The following SNX29 variants were observed in gnomAD, a reference collection of about 807,000 sequenced individuals.
SNX29 encodes the protein sorting nexin 29.
A neutral mutation model predicts 102.1 loss-of-function variants in SNX29; 78 were observed. The ratio of observed to expected loss-of-function variants is 0.76; its 90% CI spans 0.64 to 0.92. The LOEUF (loss-of-function observed/expected upper bound fraction) is 0.92. Ranked by LOEUF, SNX29 falls within the 40% of genes least tolerant of loss-of-function variation. The pLI is 0.00. For missense variants in SNX29, 1,280 were observed against 1,061.7 expected, an observed-to-expected ratio of 1.21 and a Z score of -2.86; for synonymous variants, 580 against 414.5, an observed-to-expected ratio of 1.40 and a Z score of -4.85.
intron 11 of SNX29, among the ~76,000 whole-genome samples, chr16:12,112,863 G>A (rs2141276769): frequency 6.6e-6 from 1 of 152,242 alleles, no homozygotes; most frequent in African/African-American, 2.4e-5. Context: ...TCCTGCCGGA[G>A]GAGGATGGAA....
chr16:12,158,723 G>C (rs1252176865), intron 13 of SNX29, among the ~76,000 whole-genome samples: 2 of 152,236 alleles, frequency 1.3e-5, no homozygotes, highest in Non-Finnish European at 2.9e-5. Flanking sequence ...GGGGTAGCCC[G>C]AGTGGAACCC....
At chr16:12,547,737 C>G (rs1251134439) in intron 20 of SNX29, among the ~76,000 whole-genome samples, 3 of 152,138 alleles carry the variant, frequency 2.0e-5, no homozygotes, top group Admixed American at 6.5e-5. Context: ...CACTGCCCCT[C>G]TAAGCCTCCT....
intron 14 of SNX29, among the ~76,000 whole-genome samples, chr16:12,258,655 G>T (rs2078645205): frequency 6.6e-6 from 1 of 152,128 alleles, no homozygotes; most frequent in South Asian, 2.1e-4. Flanking sequence ...ATATACTGGG[G>T]CAGCAAATGC....
intron 18 of SNX29, among the ~76,000 whole-genome samples, chr16:12,408,715 G>C (rs1362100881): frequency 6.6e-6 from 1 of 152,222 alleles, no homozygotes; most frequent in Non-Finnish European, 1.5e-5. Flanking sequence ...AGCCACTCGA[G>C]AGGCTGAGGC....
At chr16:12,533,195 A>G (rs1342352624) in intron 20 of SNX29, among the ~76,000 whole-genome samples, 2 of 152,260 alleles carry the variant, frequency 1.3e-5, no homozygotes, top group South Asian at 4.1e-4. Flanking sequence ...ACCAGCAGCC[A>G]TCTGAGGCCA....
chr16:12,529,300 G>C (rs2076869562), intron 20 of SNX29, among the ~76,000 whole-genome samples: 1 of 152,160 alleles, frequency 6.6e-6, no homozygotes, highest in Non-Finnish European at 1.5e-5. Context: ...ACATCTTTGG[G>C]AAGCCCCGTG....
rs1271335188 is a variant in SNX29 at position 12,569,103 on chromosome 16, C to G, written c.*474C>G. ...TTTTAAGGTTATTACCTGGCCTAAC[C>G]TAGGGATGGCTGGCTTTGCGGGGGG... On this transcript the variant is annotated 3_prime_UTR_variant, in exon 21 of 21. Coordinates refer to ENST00000566228, the MANE Select transcript of SNX29 (RefSeq NM_032167.5). 2.6e-5 allele frequency: 4 copies of G among 151,564 alleles called. No homozygotes were observed. Among genetic ancestry groups the G allele is most frequent in the African/African-American group, 1.1e-4 (3 of 27,770 alleles). The allele number at this position is 151,564 out of a possible 1,614,324, so 9.4% of individuals were successfully genotyped here. A position where few individuals can be genotyped will look rare whatever the true frequency, so the allele number is the denominator to read the frequency against.
intron 14 of SNX29, among the ~76,000 whole-genome samples, chr16:12,248,393 CTT>C (rs111573419): frequency 0.057 from 8,153 of 142,560 alleles, 634 homozygotes; most frequent in African/African-American, 0.18. Flanking sequence ...CAGATCTCTG[CTT>C]TTTTTTTTTT....
At chr16:12,413,400 A>G (rs1202648105) in intron 18 of SNX29, among the ~76,000 whole-genome samples, 1 of 151,852 alleles carries the variant, frequency 6.6e-6, no homozygotes, top group Non-Finnish European at 1.5e-5. Flanking sequence ...CAGGGTGGAT[A>G]TGGGAGCGAA....
intron 15 of SNX29, among the ~76,000 whole-genome samples, chr16:12,310,595 A>G (rs1035371131): frequency 6.6e-6 from 1 of 152,040 alleles, no homozygotes; most frequent in Non-Finnish European, 1.5e-5. Context: ...AAACTAATCT[A>G]TAGGGACAGA....
chr16:12,102,089 C>A (rs1167505420), intron 11 of SNX29, among the ~76,000 whole-genome samples: 1 of 152,190 alleles, frequency 6.6e-6, no homozygotes, highest in African/African-American at 2.4e-5. Flanking sequence ...CTGCAAAGAA[C>A]ACGAACTCAT....
chr16:12,019,637 AT>A (rs879261297), intron 3 of SNX29, among the ~76,000 whole-genome samples: 1,453 of 136,810 alleles, frequency 0.011, 13 homozygotes, highest in Middle Eastern at 0.022. Flanking sequence ...TAGATATATA[AT>A]TTTTTTTTTT....
In SNX29 at chr16:12,334,842, C is replaced by T. The variant is rs530566636; in HGVS notation, c.1783-21321C>T. ...CTGCTTCTCTCAATTATTTTACCTG[C>T]CTGGTCCCTATAGGCATTTGTGTCA... On this transcript the variant is annotated intron_variant, in intron 15 of 20. Transcript: ENST00000566228. Among the ~76,000 whole-genome samples the T allele has an allele frequency of 1.0e-4, 15 of 150,616 alleles. No individual in the cohort carries two copies. The East Asian group carries it at 2.7e-3, about 27-fold the overall frequency.
chr16:12,334,921 T>TTTTTTA (rs56233203), intron 15 of SNX29, among the ~76,000 whole-genome samples: 1 of 149,216 alleles, frequency 6.7e-6, no homozygotes, highest in African/African-American at 2.5e-5. Context: ...TTTTTTTTTT[T>TTTTTTA]AAAAAGCAAC....
chr16:12,571,863 G>T lies in SNX29; in HGVS notation c.*3234G>T. 1 of 1,061,102 alleles carries T rather than the reference G, an allele frequency of 9.4e-7. No homozygotes were observed. The highest frequency in any genetic ancestry group is 1.1e-6 in the Non-Finnish European group (1 of 876,522). The allele number at this position is 1,061,102 out of a possible 1,614,324, so 65.7% of individuals were successfully genotyped here. On this transcript the variant is annotated 3_prime_UTR_variant, in exon 21 of 21. Transcript: ENST00000566228. Reference sequence around the variant, plus strand: ...ATGCTCCAATCACGTTGCTGGCAAGGCATTTTAGAGTTTGGAGCTGAGGTT... The same window carrying T: ...ATGCTCCAATCACGTTGCTGGCAAGTCATTTTAGAGTTTGGAGCTGAGGTT...
chr16:12,098,792 C>T lies in SNX29; in HGVS notation c.1402+19877C>T, dbSNP rs772810291. The stretch of plus-strand genomic sequence containing the variant: ...GTGGGAAGGTGGGCTTACAAAACCT[C>T]GTCCCTGAGTCTAACAGTCAGAGGT... On this transcript the variant is annotated intron_variant, in intron 11 of 20. Transcript: ENST00000566228. The surrounding 1 kb of genome is among the most constrained non-coding windows in gnomAD (Gnocchi z 6.0). Among the ~76,000 whole-genome samples, 4 of 152,218 alleles carry T rather than the reference C, an allele frequency of 2.6e-5. No homozygotes were observed. Among genetic ancestry groups the T allele is most frequent in the Admixed American group, 6.5e-5 (1 of 15,278 alleles).
At chr16:12,269,073 G>A (rs944908997) in intron 14 of SNX29, among the ~76,000 whole-genome samples, 12 of 152,206 alleles carry the variant, frequency 7.9e-5, no homozygotes, top group African/African-American at 1.2e-4. Context: ...GAACATAAAT[G>A]TCTATATACT....
At chr16:12,499,472 C>A (rs78083932) in intron 19 of SNX29, among the ~76,000 whole-genome samples, 1 of 152,142 alleles carries the variant, frequency 6.6e-6, no homozygotes, top group Admixed American at 6.5e-5. Flanking sequence ...TGGGGATCCT[C>A]CCTTAGTCTG....
chr16:12,253,228 T>C (rs1010724581), intron 14 of SNX29, among the ~76,000 whole-genome samples: 1 of 152,164 alleles, frequency 6.6e-6, no homozygotes, highest in Non-Finnish European at 1.5e-5. Context: ...TTCGCCTTGA[T>C]GTAGATCTTT....
Sources: allele counts gnomAD v4.1 joint callset (sites outside exome capture counted in the v4.1 genomes callset), GRCh38; gene constraint gnomAD v4.1.1; non-coding constraint Gnocchi (gnomAD v3.1); transcripts MANE v1.5; gene names NCBI Gene and HGNC (gene_info 2026-07-23, HGNC 2026-07-21).